TENM3: variants seen among roughly 807,000 people sequenced by gnomAD.
TENM3 encodes teneurin-3.
In TENM3, 63 loss-of-function variants were observed where a neutral mutation model predicts 255.1. That is an observed-to-expected ratio of 0.25 (90% CI 0.20 to 0.30). The LOEUF is 0.30. Among genes scored for constraint, TENM3 ranks in the 10% least tolerant of loss-of-function variants. The probability of loss-of-function intolerance (pLI) is 1.00; values close to 1 mark genes in which losing one functional copy is unlikely to be tolerated. For missense variants in TENM3, 2,929 were observed against 3,461.1 expected, an observed-to-expected ratio of 0.85 and a Z score of 3.86; for synonymous variants, 1,306 against 1,322.3, an observed-to-expected ratio of 0.99 and a Z score of 0.27.
At chr4:182,639,735 A>G (rs1752133750) in intron 5 of TENM3, among the ~76,000 whole-genome samples, 1 of 152,230 alleles carries the variant, frequency 6.6e-6, no homozygotes, top group Non-Finnish European at 1.5e-5. Context: ...TTATGTCACG[A>G]GGAAGGTCTC....
intron 1 of TENM3, among the ~76,000 whole-genome samples, chr4:182,193,627 C>T (rs1249046752): frequency 6.6e-6 from 1 of 152,142 alleles, no homozygotes; most frequent in African/African-American, 2.4e-5. Context: ...ATAATTACTA[C>T]ATTAGATTTG....
intron 1 of TENM3, among the ~76,000 whole-genome samples, chr4:182,209,799 G>A (rs982737668): frequency 6.6e-6 from 1 of 152,004 alleles, no homozygotes; most frequent in Non-Finnish European, 1.5e-5. Context: ...CAGCCCGTGG[G>A]GGTACTGATG....
chr4:182,242,005 T>G (rs1331270360), upstream of TENM3, among the ~76,000 whole-genome samples: 1 of 147,318 alleles, frequency 6.8e-6, no homozygotes, highest in Non-Finnish European at 1.5e-5. Context: ...TTTGCCTTCT[T>G]TTTTTTTTTC....
intron 4 of TENM3, among the ~76,000 whole-genome samples, chr4:182,619,477 A>G (rs920379232): frequency 3.9e-5 from 6 of 152,146 alleles, no homozygotes; most frequent in Non-Finnish European, 7.3e-5. Context: ...GCTAACATCA[A>G]AAGGTTACTC....
intron 1 of TENM3, among the ~76,000 whole-genome samples, chr4:182,237,376 T>C (rs920302889): frequency 8.3e-5 from 4 of 48,452 alleles, no homozygotes; most frequent in Non-Finnish European, 1.2e-4. Context: ...TTCTGTTTTC[T>C]TTTTTTTGAA....
At chr4:182,359,222 T>A (rs1765783717) in intron 3 of TENM3, among the ~76,000 whole-genome samples, 2 of 152,258 alleles carry the variant, frequency 1.3e-5, no homozygotes, top group South Asian at 4.1e-4. Context: ...ATCGGGATGA[T>A]GCTGGCCTCA....
chr4:182,152,405 A>G (rs1314406412), intron 1 of TENM3, among the ~76,000 whole-genome samples: 1 of 151,992 alleles, frequency 6.6e-6, no homozygotes, highest in South Asian at 2.1e-4. Flanking sequence ...TGTAAGGTAT[A>G]CCTGTCAAAC....
the TENM3 span, among the ~76,000 whole-genome samples, chr4:181,882,131 G>T: frequency 6.6e-6 from 1 of 152,162 alleles, no homozygotes; most frequent in African/African-American, 2.4e-5. Context: ...CCGTTCGCCT[G>T]CAGAGTTCGG....
chr4:182,246,833 G>A lies in TENM3; in HGVS notation c.-76+3357G>A, dbSNP rs190953620. On this transcript the variant is annotated intron_variant, in intron 1 of 27. Coordinates refer to ENST00000511685, the MANE Select transcript of TENM3 (RefSeq NM_001080477.4). ...GAACTCACTTTCTAGGGAGGAAGCC[G>A]CCAGTAAATAACTAAACAAAGAAGA... Among the ~76,000 whole-genome samples, 53 of 152,284 alleles carry A rather than the reference G, an allele frequency of 3.5e-4. 2 individuals carry two copies. In the South Asian group the frequency reaches 6.4e-3, roughly 18 times the overall value.
intron 6 of TENM3, among the ~76,000 whole-genome samples, chr4:182,665,550 A>G (rs1474597089): frequency 6.6e-6 from 1 of 152,174 alleles, no homozygotes; most frequent in Non-Finnish European, 1.5e-5. Context: ...TTGTAAGGCT[A>G]TCATAGATAG....
chr4:182,081,583 C>CAAAAAAAAAA, the TENM3 span, among the ~76,000 whole-genome samples: 3 of 87,520 alleles, frequency 3.4e-5, no homozygotes, highest in African/African-American at 4.5e-5. Flanking sequence ...GGCTCTGCCT[C>CAAAAAAAAAA]AAAAAAAAAA....
Position 182,698,080 on chromosome 4 carries a change from A to G in TENM3, c.2221+9729A>G, listed in dbSNP as rs139496417. 4 of 152,278 alleles carry G rather than the reference A, an allele frequency of 2.6e-5. No individual in the cohort carries two copies. The East Asian group carries it at 7.7e-4, about 29-fold the overall frequency. 9.4% of individuals were successfully genotyped at this position (152,278 alleles called of 1,614,324 possible). A position where few individuals can be genotyped will look rare whatever the true frequency, so the allele number is the denominator to read the frequency against. The stretch of plus-strand genomic sequence containing the variant: ...TTCCTTGCAGCCAGCATTGAGAGCA[A>G]TGGCAGATCTGCACTCTGAGCCAAA... On this transcript the variant is annotated intron_variant, in intron 12 of 27. Transcript: ENST00000511685.
chr4:182,512,811 A>T (rs1320243545), intron 3 of TENM3, among the ~76,000 whole-genome samples: 1 of 152,148 alleles, frequency 6.6e-6, no homozygotes, highest in African/African-American at 2.4e-5. Flanking sequence ...TAACCTCTTT[A>T]GGGTGGCAGT....
intron 3 of TENM3, among the ~76,000 whole-genome samples, chr4:182,539,301 T>A (rs1740635820): frequency 6.6e-6 from 1 of 151,520 alleles, no homozygotes; most frequent in South Asian, 2.1e-4. Flanking sequence ...TCAAGAAAGA[T>A]GAAAAATAAA....
At chr4:181,717,844 G>T in the TENM3 span, among the ~76,000 whole-genome samples, 14 of 152,190 alleles carry the variant, frequency 9.2e-5, no homozygotes, top group Non-Finnish European at 2.9e-5. Context: ...TGCAGGAGGG[G>T]AGTAGAGATA....
chr4:182,590,538 C>CAAA (rs34681777), intron 3 of TENM3, among the ~76,000 whole-genome samples: 23,082 of 79,666 alleles, frequency 0.29, 2,703 homozygotes, highest in East Asian at 0.4. Flanking sequence ...GACCCTGTCT[C>CAAA]AAAAAAAAAA....
the TENM3 span, among the ~76,000 whole-genome samples, chr4:181,926,543 C>G: frequency 6.6e-6 from 1 of 152,000 alleles, no homozygotes; most frequent in African/African-American, 2.4e-5. Flanking sequence ...ATAAAATCTC[C>G]CTGCTAAGGT....
At chr4:182,658,895 T>C (rs1375014236) in intron 6 of TENM3, among the ~76,000 whole-genome samples, 1 of 152,208 alleles carries the variant, frequency 6.6e-6, no homozygotes, top group East Asian at 1.9e-4. Context: ...TCCATGTGGC[T>C]TGGGCCTCTT....
chr4:182,769,359 C>T (rs76691301), intron 22 of TENM3, among the ~76,000 whole-genome samples: 8,889 of 151,872 alleles, frequency 0.059, 418 homozygotes, highest in Non-Finnish European at 0.071. Context: ...GTCTTTCCTT[C>T]ATCTCGTTTT....
Sources: allele counts gnomAD v4.1 joint callset (sites outside exome capture counted in the v4.1 genomes callset), GRCh38; gene constraint gnomAD v4.1.1; transcripts MANE v1.5; gene names NCBI Gene and HGNC (gene_info 2026-07-23, HGNC 2026-07-21).